Variants in MICALL2 observed in about 807,000 individuals in gnomAD.
MICALL2 encodes the protein MICAL like 2.
A neutral mutation model predicts 91.1 loss-of-function variants in MICALL2; 111 were observed. That is an observed-to-expected ratio of 1.22 (90% CI 1.04 to 1.43). MICALL2 has a LOEUF of 1.43. Among genes scored for constraint, MICALL2 ranks in the 40% most tolerant of loss-of-function variants. MICALL2 has a pLI of 0.00. For synonymous variants in MICALL2, 694 were observed against 525.3 expected (o/e 1.32, Z -4.39); for missense variants, 1,556 against 1,236.0 (o/e 1.26, Z -3.88).
rs760669304 is a variant in MICALL2, at chr7:1,452,817, G to C, written c.144-2529C>G. 6.6e-6 allele frequency among the ~76,000 whole-genome samples: 1 copy of C among 152,068 alleles called. No homozygotes were observed. The highest frequency in any genetic ancestry group is 1.5e-5 in the Non-Finnish European group (1 of 68,010). ...TCAGGATGAGGTTCAAGCTGCATTC[G>C]GGGCGTTTGAGGCCTATTCAACTGG... On this transcript the variant is annotated intron_variant, in intron 1 of 16. Transcript: ENST00000297508. The surrounding 1 kb of genome is among the most constrained non-coding windows in gnomAD (Gnocchi z 6.2).
At chr7:1,439,163 C>A in intron 9 of MICALL2, 168 bp from the exon 10 acceptor site, 1 of 591,922 alleles carries the variant, frequency 1.7e-6, no homozygotes, top group East Asian at 2.9e-5. Flanking sequence ...CACGTCCTGC[C>A]CAACCTGGCC....
chr7:1,447,814 A>C, intron 3 of MICALL2, 49 bp from the exon 4 acceptor site: 1 of 1,401,686 alleles, frequency 7.1e-7, no homozygotes, highest in East Asian at 2.6e-5. Flanking sequence ...TGGCTCTGAA[A>C]GGGTCTAGTC....
intron 1 of MICALL2, among the ~76,000 whole-genome samples, chr7:1,455,333 C>G (rs941499284): frequency 6.6e-6 from 1 of 152,208 alleles, no homozygotes; most frequent in African/African-American, 2.4e-5. Flanking sequence ...GCTCACCTGG[C>G]TGCCCAGCTG....
At position 1,440,035 on chromosome 7, in the gene MICALL2, T is replaced by TC; in HGVS notation, c.1855dup (p.Glu619GlyfsTer24). The TC allele has an allele frequency of 6.3e-7, 1 of 1,576,130 alleles. No individual in the cohort carries two copies. Among genetic ancestry groups the TC allele is most frequent in the Non-Finnish European group, 8.6e-7 (1 of 1,167,992 alleles). On this transcript the variant is annotated frameshift_variant, in exon 9 of 17. Transcript: ENST00000297508. LOFTEE classifies it high-confidence loss of function. ...GCTGCCTGAGACCTTCCTGGGGGCC[T>TC]CCCCCGCCCTCGGCTCTGCCAGGGC...
rs201278821 is a variant in MICALL2 at position 1,439,948 on chromosome 7, G to A, written c.1943C>T (p.Ala648Val). Residue 648 changes from alanine to valine, a missense_variant, in exon 9 of 17, where the codon GCC becomes GTC. Transcript: ENST00000297508. ...ACCTGGGAGGCTGGGTCCTGGGCTG[G>A]CTGGGCGTGGGGTCCTGTCAGGCCT... The part of the protein sequence containing the change: ...PVRPDRTPRP[A>V]SPGPSLPARS... 9.9e-5 allele frequency: 147 copies of A among 1,492,270 alleles called. No homozygotes were observed. In the East Asian group the frequency reaches 3.7e-3, roughly 37 times the overall value. 92.4% of individuals were successfully genotyped at this position (1,492,270 alleles called of 1,614,324 possible).
Position 1,438,891 on chromosome 7 carries a change from C to T in MICALL2, c.2071G>A (p.Val691Met), listed in dbSNP as rs1257742447. 15 of 1,610,804 alleles carry T rather than the reference C, an allele frequency of 9.3e-6. No homozygotes were observed. The highest frequency in any genetic ancestry group is 1.2e-5 in the Non-Finnish European group (14 of 1,179,534). The stretch of plus-strand genomic sequence containing the variant: ...TTCTCCTCCTCCTTCCAGCTCTGCA[C>T]TCGGGCTTCCTGGCCAGGGGGCTCC... ...RPEPPGQEAR[V>M]QSWKEEEKKP... is the part of the protein sequence containing the mutation. The change falls in exon 10 of 17, where the codon GTG becomes ATG. Residue 691 changes from valine (V) to methionine (M), a missense_variant. Physicochemically the swap from Val to Met is conservative, Grantham distance 21 (BLOSUM62 1). Coordinates refer to ENST00000297508, the MANE Select transcript of MICALL2 (RefSeq NM_182924.4).
At position 1,438,149 on chromosome 7, in the gene MICALL2, G is replaced by A. The variant is rs912417994; in HGVS notation, c.2259C>T (p.Ala753=). ...QLQDIERRLD[A]LELRGVELEK... Reference sequence around the variant, plus strand: ...CCAGCTCCACGCCGCGGAGCTCCAGGGCGTCCAGCCGCCTCTCGATGTCCT... The same window carrying A: ...CCAGCTCCACGCCGCGGAGCTCCAGAGCGTCCAGCCGCCTCTCGATGTCCT... Residue 753 remains alanine (A), a synonymous_variant, in exon 12 of 17, where the codon GCC becomes GCT. Coordinates refer to ENST00000297508, the MANE Select transcript of MICALL2 (RefSeq NM_182924.4). 5 of 1,562,036 alleles carry A rather than the reference G, an allele frequency of 3.2e-6. No individual in the cohort carries two copies. Among genetic ancestry groups the A allele is most frequent in the Admixed American group, 1.9e-5 (1 of 52,418 alleles).
Position 1,435,143 on chromosome 7 carries a change from G to C in MICALL2, c.2596C>G (p.Gln866Glu), listed in dbSNP as rs1035966869. The C allele has an allele frequency of 1.2e-6, 2 of 1,613,400 alleles. No homozygotes were observed. The highest frequency in any genetic ancestry group is 8.5e-7 in the Non-Finnish European group (1 of 1,179,976). The change falls in exon 16 of 17, where the codon CAA becomes GAA. Residue 866 changes from glutamine (Q) to glutamate (E), a missense_variant. Gln to Glu is a conservative substitution (Grantham distance 29). Coordinates refer to ENST00000297508, the MANE Select transcript of MICALL2 (RefSeq NM_182924.4). ...TCCCGCAGCATCTGATCCTCCTCTTGTTCCCTGAAACGGGACCAGATGGCC... is the reference window on the plus strand; with the variant it reads ...TCCCGCAGCATCTGATCCTCCTCTTCTTCCCTGAAACGGGACCAGATGGCC... The part of the protein sequence containing the change: ...DSLDEDRLRE[Q>E]EEDQMLRDMI...
rs1041959300 is a variant in MICALL2 at position 1,452,338 on chromosome 7, C to T, written c.144-2050G>A. Among the ~76,000 whole-genome samples the T allele has an allele frequency of 4.6e-5, 7 of 152,044 alleles. No individual in the cohort carries two copies. The highest frequency in any genetic ancestry group is 1.9e-4 in the East Asian group (1 of 5,172). On this transcript the variant is annotated intron_variant, in intron 1 of 16. Transcript: ENST00000297508. The surrounding 1 kb of genome is among the most constrained non-coding windows in gnomAD (Gnocchi z 6.2). ...CCCGAGAGGGTGTGACCCGAGGGCACGTGGGTGGCTGTCTATGCCCAGGGA... is the reference window on the plus strand; with the variant it reads ...CCCGAGAGGGTGTGACCCGAGGGCATGTGGGTGGCTGTCTATGCCCAGGGA...
rs754508240 is a variant in MICALL2 at position 1,445,023 on chromosome 7, C to A, written c.1047G>T (p.Ser349=). The change falls in exon 6 of 17, where the codon TCG becomes TCT. Residue 349 remains serine, a synonymous_variant. Transcript: ENST00000297508. ...RVTNSSPMGW[S]SAAPCTAAAA... is the part of the protein sequence containing the mutation. Reference sequence around the variant, plus strand: ...CCGCTGCTGTGCACGGGGCAGCTGACGACCAGCCCATCGGGGAGCTATTGG... The same window carrying A: ...CCGCTGCTGTGCACGGGGCAGCTGAAGACCAGCCCATCGGGGAGCTATTGG... 9.8e-6 allele frequency: 15 copies of A among 1,526,304 alleles called. 1 individual carries two copies. The South Asian group carries it at 1.4e-4, about 14-fold the overall frequency. The allele number at this position is 1,526,304 out of a possible 1,614,324, so 94.5% of individuals were successfully genotyped here.
At chr7:1,448,800 G>A in intron 2 of MICALL2, 39 bp from the exon 3 acceptor site, 1 of 1,607,488 alleles carries the variant, frequency 6.2e-7, no homozygotes. Flanking sequence ...GCAGCTGGGA[G>A]CCCCCTCCTT....
intron 7 of MICALL2, chr7:1,440,946 G>A (rs1780251624): frequency 2.1e-6 from 1 of 486,522 alleles, no homozygotes; most frequent in East Asian, 3.9e-5. Flanking sequence ...CGAATGGGTG[G>A]GGACGTGGCA....
At position 1,434,543 on chromosome 7, in the gene MICALL2, C is replaced by G; in HGVS notation, c.*53G>C. ...CGGGTCCGGGCCAAGCCCATGGCCC[C>G]GAGTCCAAGTCCGGATGCCAGGTCC... On this transcript the variant is annotated 3_prime_UTR_variant, in exon 17 of 17. Transcript: ENST00000297508. The G allele has an allele frequency of 6.6e-7, 1 of 1,510,278 alleles. No homozygotes were observed. The highest frequency in any genetic ancestry group is 9.2e-7 in the Non-Finnish European group (1 of 1,086,080). 93.6% of individuals were successfully genotyped at this position (1,510,278 alleles called of 1,614,324 possible).
At chr7:1,457,188 T>C (rs1026417013) in intron 1 of MICALL2, among the ~76,000 whole-genome samples, 1 of 152,150 alleles carries the variant, frequency 6.6e-6, no homozygotes, top group African/African-American at 2.4e-5. Flanking sequence ...GCTCCTACCA[T>C]ATCTACTGAA....
intron 13 of MICALL2, 80 bp from the exon 14 acceptor site, chr7:1,437,688 T>C (rs1780041616): frequency 7.0e-7 from 1 of 1,431,334 alleles, no homozygotes; most frequent in African/African-American, 1.4e-5. Flanking sequence ...AACGAGGTCC[T>C]GGACCTGCCA....
At chr7:1,438,504 C>T (rs1780097103) in intron 10 of MICALL2, 151 bp from the exon 11 acceptor site, 2 of 1,451,040 alleles carry the variant, frequency 1.4e-6, no homozygotes, top group Admixed American at 2.5e-5. Flanking sequence ...ACTGCCCTGA[C>T]CCAGCCCCAC....
chr7:1,436,693 C>A (rs766360307), intron 15 of MICALL2, 49 bp downstream of exon 15: 1 of 1,452,908 alleles, frequency 6.9e-7, no homozygotes, highest in Non-Finnish European at 9.4e-7. Flanking sequence ...GGAGCATGGA[C>A]CAGGCGACCT....
chr7:1,437,350 G>A (rs1057420767), intron 14 of MICALL2, 185 bp downstream of exon 14: 2 of 596,528 alleles, frequency 3.4e-6, no homozygotes, highest in Non-Finnish European at 5.8e-6. Context: ...GCAAGGTTAA[G>A]TACCTTGGCT....
At chr7:1,439,728 A>C in intron 9 of MICALL2, 197 bp downstream of exon 9, 1 of 447,986 alleles carries the variant, frequency 2.2e-6, no homozygotes, top group East Asian at 3.6e-5. Flanking sequence ...CACATACATG[A>C]ACACATGCAC....
Sources: allele counts gnomAD v4.1 joint callset (sites outside exome capture counted in the v4.1 genomes callset), GRCh38; gene constraint gnomAD v4.1.1; non-coding constraint Gnocchi (gnomAD v3.1); transcripts MANE v1.5; gene names NCBI Gene and HGNC (gene_info 2026-07-23, HGNC 2026-07-21).